The following GALNTL6 variants were observed in gnomAD, a reference collection of about 807,000 sequenced individuals.
The protein encoded by GALNTL6 is polypeptide N-acetylgalactosaminyltransferase like 6, also known as polypeptide N-acetylgalactosaminyltransferase-like 6.
In GALNTL6, 46 loss-of-function variants were observed where a neutral mutation model predicts 73.7. The observed-to-expected ratio is 0.62, with a 90% CI of 0.49 to 0.80. GALNTL6 has a LOEUF of 0.80. Among genes scored for constraint, GALNTL6 ranks in the 30% least tolerant of loss-of-function variants. The probability of loss-of-function intolerance (pLI) is 0.00; values close to 1 mark genes in which losing one functional copy is unlikely to be tolerated. For synonymous variants in GALNTL6, 259 were observed against 263.7 expected (o/e 0.98, Z 0.17); for missense variants, 604 against 755.0 (o/e 0.80, Z 2.34).
chr4:172,552,350 T>C (rs1196826370), intron 5 of GALNTL6, among the ~76,000 whole-genome samples: 2 of 152,150 alleles, frequency 1.3e-5, no homozygotes, highest in African/African-American at 4.8e-5. Context: ...CGGAAAGTTC[T>C]ATAGCCCAAG....
intron 2 of GALNTL6, among the ~76,000 whole-genome samples, chr4:172,206,789 TTTGTTTTGTTTTTCTGTTTTTTTTGTTTG>T (rs1385807554): frequency 1.9e-5 from 1 of 52,684 alleles, no homozygotes; most frequent in Non-Finnish European, 5.3e-5. Flanking sequence ...TTTGTTTTGT[TTTGTTTTGTTTTTCTGTTTTTTTTGTTTG>T]TTTTTTTTTT....
chr4:172,703,386 A>G (rs1223342363), intron 5 of GALNTL6, among the ~76,000 whole-genome samples: 1 of 151,892 alleles, frequency 6.6e-6, no homozygotes, highest in Admixed American at 6.6e-5. Flanking sequence ...CTAGTTTGTT[A>G]AGTATTTTTA....
rs185344418 is a variant in GALNTL6 at position 172,540,573 on chromosome 4, T to C, written c.553+191884T>C. 5.0e-3 allele frequency among the ~76,000 whole-genome samples: 766 copies of C among 152,156 alleles called. 6 individuals are homozygous for C. The highest frequency in any genetic ancestry group is 6.5e-3 in the Non-Finnish European group (439 of 68,004). ...CCTTGACTAAGTGGCCCCGAGGTGG[T>C]TGGGTTACAGTTTTGGTTTTATATA... On this transcript the variant is annotated intron_variant, in intron 5 of 12. Coordinates refer to ENST00000506823, the MANE Select transcript of GALNTL6 (RefSeq NM_001034845.3).
chr4:172,251,220 C>CT (rs1737855262), intron 3 of GALNTL6, among the ~76,000 whole-genome samples: 1 of 151,854 alleles, frequency 6.6e-6, no homozygotes, highest in Admixed American at 6.6e-5. Flanking sequence ...GGCAGAATTC[C>CT]TTTTTGCATA....
At chr4:172,999,584 C>A (rs560415161) in intron 10 of GALNTL6, among the ~76,000 whole-genome samples, 1 of 151,984 alleles carries the variant, frequency 6.6e-6, no homozygotes, top group South Asian at 2.1e-4. Context: ...GAGCATATAC[C>A]CAAATAGGCA....
intron 7 of GALNTL6, among the ~76,000 whole-genome samples, chr4:172,853,740 A>G (rs543277211): frequency 3.4e-4 from 51 of 152,208 alleles, no homozygotes; most frequent in Non-Finnish European, 6.5e-4. Context: ...TTGAAAGGGC[A>G]TTACAAGAGA....
intron 5 of GALNTL6, among the ~76,000 whole-genome samples, chr4:172,761,497 G>A (rs1300913221): frequency 6.6e-6 from 1 of 152,106 alleles, no homozygotes; most frequent in Non-Finnish European, 1.5e-5. Flanking sequence ...TTGGTTCTGT[G>A]TCCCCACCCA....
intron 7 of GALNTL6, among the ~76,000 whole-genome samples, chr4:172,875,934 T>G (rs984335034): frequency 1.3e-5 from 2 of 152,178 alleles, no homozygotes; most frequent in Non-Finnish European, 2.9e-5. Flanking sequence ...TCCACAGTTT[T>G]CAATTTCATC....
At chr4:172,341,450 CAAAAAAAAAAAAAAAA>C (rs4048503) in intron 4 of GALNTL6, among the ~76,000 whole-genome samples, 2 of 118,024 alleles carry the variant, frequency 1.7e-5, no homozygotes, top group Non-Finnish European at 3.3e-5. Flanking sequence ...GACTCCGTCT[CAAAAAAAAAAAAAAAA>C]AAAAAAAAAA....
intron 2 of GALNTL6, among the ~76,000 whole-genome samples, chr4:172,065,657 T>A (rs971969273): frequency 1.3e-5 from 2 of 152,146 alleles, no homozygotes; most frequent in African/African-American, 2.4e-5. Flanking sequence ...TTTCTCCACA[T>A]AATACCTAAC....
intron 7 of GALNTL6, among the ~76,000 whole-genome samples, chr4:172,816,449 A>G (rs1203384373): frequency 6.6e-6 from 1 of 152,180 alleles, no homozygotes; most frequent in African/African-American, 2.4e-5. Flanking sequence ...ATTGGATTGA[A>G]TTCAATTGAA....
At chr4:173,014,464 C>T (rs924665676) in intron 11 of GALNTL6, among the ~76,000 whole-genome samples, 1 of 152,202 alleles carries the variant, frequency 6.6e-6, no homozygotes, top group Non-Finnish European at 1.5e-5. Context: ...GCCCAGCTTT[C>T]GTCCTCCCGA....
intron 7 of GALNTL6, among the ~76,000 whole-genome samples, chr4:172,816,306 A>T (rs1452030838): frequency 2.0e-5 from 3 of 152,250 alleles, no homozygotes; most frequent in Non-Finnish European, 4.4e-5. Context: ...AAGTGACAAG[A>T]TTTGAATTAT....
At chr4:172,228,270 A>G (rs1485177271) in intron 2 of GALNTL6, among the ~76,000 whole-genome samples, 1 of 152,092 alleles carries the variant, frequency 6.6e-6, no homozygotes, top group Admixed American at 6.6e-5. Flanking sequence ...TTTAAAAATT[A>G]TCAGTATTCC....
chr4:172,742,839 T>C (rs1489565486), intron 5 of GALNTL6, among the ~76,000 whole-genome samples: 1 of 152,072 alleles, frequency 6.6e-6, no homozygotes, highest in African/African-American at 2.4e-5. Flanking sequence ...TTGGTGCTAA[T>C]GTATTATGCA....
In GALNTL6 at chr4:172,288,289, C is replaced by T. The variant is rs1739337495; in HGVS notation, c.248-23325C>T. The stretch of plus-strand genomic sequence containing the variant: ...TGTATTTTTAGTAGAGACGGGGTTT[C>T]ACTGTGTTAGCCAGGACGGTCTCGA... On this transcript the variant is annotated intron_variant, in intron 3 of 12. Coordinates refer to ENST00000506823, the MANE Select transcript of GALNTL6 (RefSeq NM_001034845.3). 3.3e-5 allele frequency among the ~76,000 whole-genome samples: 5 copies of T among 152,026 alleles called. No individual in the cohort carries two copies. The South Asian group carries it at 1.0e-3, about 31-fold the overall frequency.
intron 10 of GALNTL6, among the ~76,000 whole-genome samples, chr4:172,952,519 G>GTTTT (rs201491765): frequency 6.8e-6 from 1 of 147,408 alleles, no homozygotes; most frequent in African/African-American, 2.5e-5. Flanking sequence ...TTTTGTTTTT[G>GTTTT]TTTTTGTTTT....
At chr4:172,731,320 T>A (rs894322774) in intron 5 of GALNTL6, among the ~76,000 whole-genome samples, 1 of 152,104 alleles carries the variant, frequency 6.6e-6, no homozygotes, top group Non-Finnish European at 1.5e-5. Context: ...TTTCTTCTAG[T>A]TTTTTCATTG....
chr4:172,341,832 C>T (rs1426302442), intron 4 of GALNTL6, among the ~76,000 whole-genome samples: 1 of 152,094 alleles, frequency 6.6e-6, no homozygotes, highest in Non-Finnish European at 1.5e-5. Context: ...TCGGGTATGT[C>T]TTTATCAGCA....
Sources: gnomAD v4.1 joint callset for allele counts (sites outside exome capture counted in the v4.1 genomes callset) on GRCh38, gnomAD v4.1.1 for gene constraint, MANE v1.5 for transcripts, NCBI Gene and HGNC (gene_info 2026-07-23, HGNC 2026-07-21) for gene names.